The following OMD variants were observed in gnomAD, a reference collection of about 807,000 sequenced individuals.
OMD encodes KSPG osteomodulin.
A neutral mutation model predicts 31.2 loss-of-function variants in OMD; 19 were observed. The ratio of observed to expected loss-of-function variants is 0.61; its 90% CI spans 0.42 to 0.89. OMD has a LOEUF of 0.89. Ranked by LOEUF, OMD falls within the 40% of genes least tolerant of loss-of-function variation. The pLI, the probability that OMD is intolerant of heterozygous loss-of-function variation, is 0.00. For missense variants in OMD, 448 were observed against 490.8 expected (o/e 0.91, Z 0.82); for synonymous variants, 155 against 166.4 (o/e 0.93, Z 0.53).
At position 92,417,423 on chromosome 9, in the gene OMD, G is replaced by A. The variant is rs539847696; in HGVS notation, c.136C>T (p.Arg46Cys). Residue 46 changes from arginine to cysteine, a missense_variant, in exon 2 of 3, where the codon CGT (arginine) becomes TGT (cysteine). Arg to Cys is a radical substitution (Grantham distance 180). Coordinates refer to ENST00000375550, the MANE Select transcript of OMD (RefSeq NM_005014.3). ...GGAACTCCGTAGTCTACATTTTGAC[G>A]AAATGGGAATCCTGTTTGGTAATCA... is the stretch of plus-strand genomic sequence containing the variant. ...DDDYQTGFPF[R>C]QNVDYGVPFH... 14 of 1,613,918 alleles carry A rather than the reference G, an allele frequency of 8.7e-6. No individual in the cohort carries two copies. The highest frequency in any genetic ancestry group is 5.3e-5 in the African/African-American group (4 of 74,910).
Position 92,414,337 on chromosome 9 carries a change from A to G in OMD, c.*815T>C. On this transcript the variant is annotated 3_prime_UTR_variant, in exon 3 of 3. Coordinates refer to ENST00000375550, the MANE Select transcript of OMD (RefSeq NM_005014.3). ...TTCTTTGCAAATCATTTTGTAACAA[A>G]GAGGCCTTTCTATGGTTGTATTTTT... 1 of 197,542 alleles carries G rather than the reference A, an allele frequency of 5.1e-6. No individual in the cohort carries two copies. Among genetic ancestry groups the G allele is most frequent in the Non-Finnish European group, 1.0e-5 (1 of 95,242 alleles). 12.2% of individuals were successfully genotyped at this position (197,542 alleles called of 1,614,324 possible).
At chr9:92,415,736 T>A (rs1843573399) in intron 2 of OMD, among the ~76,000 whole-genome samples, 3 of 149,148 alleles carry the variant, frequency 2.0e-5, no homozygotes, top group Non-Finnish European at 4.5e-5. Context: ...CAAAAAAAAA[T>A]TATCTACAAT....
intron 2 of OMD, among the ~76,000 whole-genome samples, chr9:92,416,094 ATTTAT>A (rs1228646248): frequency 2.9e-5 from 4 of 137,304 alleles, no homozygotes; most frequent in African/African-American, 8.0e-5. Context: ...TTATTTATTT[ATTTAT>A]TTTATTTTTT....
At position 92,417,413 on chromosome 9, in the gene OMD, A is replaced by G. The variant is rs762174943; in HGVS notation, c.146T>C (p.Val49Ala). The part of the protein sequence containing the change: ...YQTGFPFRQN[V>A]DYGVPFHQYT... ...CTGATGAAAAGGAACTCCGTAGTCT[A>G]CATTTTGACGAAATGGGAATCCTGT... Residue 49 changes from valine (V) to alanine (A), a missense_variant, in exon 2 of 3, where the codon GTA becomes GCA. By Grantham distance (64) the Val-to-Ala change is moderately conservative. Coordinates refer to ENST00000375550, the MANE Select transcript of OMD (RefSeq NM_005014.3). 3 of 1,614,100 alleles carry G rather than the reference A, an allele frequency of 1.9e-6. No homozygotes were observed. Among genetic ancestry groups the G allele is most frequent in the Non-Finnish European group, 2.5e-6 (3 of 1,179,996 alleles).
chr9:92,422,883 A>G (rs1018410123), intron 1 of OMD, among the ~76,000 whole-genome samples: 3 of 152,174 alleles, frequency 2.0e-5, no homozygotes, highest in African/African-American at 7.2e-5. Context: ...TTCATACTCT[A>G]CAATGTATGC....
chr9:92,423,037 T>C (rs1843860967), intron 1 of OMD, among the ~76,000 whole-genome samples: 1 of 152,206 alleles, frequency 6.6e-6, no homozygotes. Context: ...TAATAAGTTA[T>C]AGGTTAAGGC....
chr9:92,417,534 C>T lies in OMD; in HGVS notation c.25G>A (p.Val9Ile). 1.3e-6 allele frequency: 2 copies of T among 1,596,706 alleles called. No individual in the cohort carries two copies. Among genetic ancestry groups the T allele is most frequent in the Admixed American group, 3.6e-5 (2 of 55,614 alleles). The change falls in exon 2 of 3, where the codon GTT (valine) becomes ATT (isoleucine). Residue 9 changes from valine (V) to isoleucine (I), a missense_variant. Val to Ile is a conservative substitution (Grantham distance 29, BLOSUM62 3). Transcript: ENST00000375550. MGFLSPIY[V>I]IFFFFGVKVH... Reference sequence around the variant, plus strand: ...TTGACTCCAAAAAAGAAGAAAATAACATATATTGGACTTAAAAAACCCATC... The same window carrying T: ...TTGACTCCAAAAAAGAAGAAAATAATATATATTGGACTTAAAAAACCCATC...
At chr9:92,419,299 C>CTTTTTTTT (rs34582930) in intron 1 of OMD, among the ~76,000 whole-genome samples, 6 of 117,094 alleles carry the variant, frequency 5.1e-5, no homozygotes, top group Non-Finnish European at 6.8e-5. Flanking sequence ...TGCCTTGTGT[C>CTTTTTTTT]TTTTTTTTTT....
chr9:92,419,821 A>G (rs1385045085), intron 1 of OMD, among the ~76,000 whole-genome samples: 3 of 152,206 alleles, frequency 2.0e-5, no homozygotes. Flanking sequence ...AAATCATTGC[A>G]TATAATGAAA....
Position 92,415,061 on chromosome 9 carries a change from A to C in OMD, c.*91T>G. The C allele has an allele frequency of 2.1e-6, 2 of 952,094 alleles. No homozygotes were observed. The highest frequency in any genetic ancestry group is 3.1e-6 in the Non-Finnish European group (2 of 655,640). The allele number at this position is 952,094 out of a possible 1,614,324, so 59.0% of individuals were successfully genotyped here. A position where few individuals can be genotyped will look rare whatever the true frequency, so the allele number is the denominator to read the frequency against. On this transcript the variant is annotated 3_prime_UTR_variant, in exon 3 of 3. Transcript: ENST00000375550. Reference sequence around the variant, plus strand: ...CTTATACTAATACATAATTCTAAATATATTACTTTGAGTAATACATGTTTA... The same window carrying C: ...CTTATACTAATACATAATTCTAAATCTATTACTTTGAGTAATACATGTTTA...
chr9:92,420,347 C>T (rs1588118087), intron 1 of OMD, among the ~76,000 whole-genome samples: 1 of 152,218 alleles, frequency 6.6e-6, no homozygotes, highest in African/African-American at 2.4e-5. Context: ...TATCGTTGCT[C>T]TTTTGCACAT....
intron 2 of OMD, among the ~76,000 whole-genome samples, chr9:92,416,065 TA>T (rs1564309093): frequency 3.1e-5 from 3 of 97,974 alleles, no homozygotes; most frequent in African/African-American, 8.8e-5. Context: ...TGTGTATATA[TA>T]TATATTTATT....
chr9:92,422,334 G>A (rs2130971654), intron 1 of OMD, among the ~76,000 whole-genome samples: 1 of 152,306 alleles, frequency 6.6e-6, no homozygotes, highest in South Asian at 2.1e-4. Context: ...GATTACAGGT[G>A]TGAGCCACCT....
In OMD at chr9:92,416,099, TTTTA is replaced by T. The variant is rs1162775724; in HGVS notation, c.940+516_940+519del. ...ATTTATTTATTTATTTATTTATTTA[TTTTA>T]TTTTTTTTTTTTTTAAGACAGAGTT... is the stretch of plus-strand genomic sequence containing the variant. On this transcript the variant is annotated intron_variant, in intron 2 of 2. Transcript: ENST00000375550. 1.6e-3 allele frequency among the ~76,000 whole-genome samples: 216 copies of T among 132,828 alleles called. 1 individual carries two copies. The highest frequency in any genetic ancestry group is 7.8e-3 in the Middle Eastern group (2 of 258). The allele number at this position is 132,828 out of a possible 152,430, so 87.1% of individuals were successfully genotyped here. A position where few individuals can be genotyped will look rare whatever the true frequency, so the allele number is the denominator to read the frequency against.
intron 2 of OMD, among the ~76,000 whole-genome samples, chr9:92,416,216 C>T (rs1325526014): frequency 2.0e-5 from 3 of 151,392 alleles, no homozygotes; most frequent in South Asian, 2.1e-4. Flanking sequence ...TCTCATGCCT[C>T]GGCCTCTTAA....
intron 1 of OMD, 78 bp from the exon 2 acceptor site, chr9:92,417,652 A>G (rs541272345): frequency 6.4e-6 from 5 of 786,386 alleles, no homozygotes; most frequent in Non-Finnish European, 9.9e-6. Flanking sequence ...TCTCAGTTAT[A>G]TGAAATGTAT....
At chr9:92,416,308 C>T (rs1843610494) in intron 2 of OMD, among the ~76,000 whole-genome samples, 1 of 151,602 alleles carries the variant, frequency 6.6e-6, no homozygotes, top group African/African-American at 2.4e-5. Context: ...CTATATTGAC[C>T]AGGCTGATCT....
Position 92,416,622 on chromosome 9 carries a change from CTATTTCATTATTTTGT to C in OMD, c.921_936del (p.Gln308LysfsTer3). 6.6e-7 allele frequency: 1 copy of C among 1,517,680 alleles called. No individual in the cohort carries two copies. The highest frequency in any genetic ancestry group is 8.9e-7 in the Non-Finnish European group (1 of 1,120,918). 94.0% of individuals were successfully genotyped at this position (1,517,680 alleles called of 1,614,324 possible). A position where few individuals can be genotyped will look rare whatever the true frequency, so the allele number is the denominator to read the frequency against. The stretch of plus-strand genomic sequence containing the variant: ...AACACAATAAAAGTCTACATACTTT[CTATTTCATTATTTTGT>C]AGGTATAGGTGTTCCAAATTTCTTG... On this transcript the variant is annotated frameshift_variant, in exon 2 of 3. Coordinates refer to ENST00000375550, the MANE Select transcript of OMD (RefSeq NM_005014.3). LOFTEE classifies it high-confidence loss of function.
chr9:92,416,813 G>A lies in OMD; in HGVS notation c.746C>T (p.Pro249Leu). 5 of 1,613,712 alleles carry A rather than the reference G, an allele frequency of 3.1e-6. No homozygotes were observed. Among genetic ancestry groups the A allele is most frequent in the South Asian group, 1.1e-5 (1 of 91,064 alleles). ...TGGAAGTTTGTCGAAGTATTTTTCG[G>A]GTATAGAAGAAATTGAATTATTTTC... Reference protein sequence around the residue: ...SLENNSISSIPEKYFDKLPKL... With the variant: ...SLENNSISSILEKYFDKLPKL... Residue 249 changes from proline to leucine, a missense_variant, in exon 2 of 3, where the codon CCC (proline) becomes CTC (leucine). Pro to Leu is a moderately conservative substitution (Grantham distance 98). Coordinates refer to ENST00000375550, the MANE Select transcript of OMD (RefSeq NM_005014.3).
Sources: allele counts gnomAD v4.1 joint callset (sites outside exome capture counted in the v4.1 genomes callset), GRCh38; gene constraint gnomAD v4.1.1; transcripts MANE v1.5; gene names NCBI Gene and HGNC (gene_info 2026-07-23, HGNC 2026-07-21).